The following LPP variants were observed in gnomAD, a reference collection of about 807,000 sequenced individuals.
The protein encoded by LPP is lipoma-preferred partner.
A neutral mutation model predicts 60.4 loss-of-function variants in LPP; 38 were observed. The ratio of observed to expected loss-of-function variants is 0.63; its 90% CI spans 0.49 to 0.83. LPP has a LOEUF of 0.83. Ranked by LOEUF, LPP falls within the 40% of genes least tolerant of loss-of-function variation. The pLI, the probability that LPP is intolerant of heterozygous loss-of-function variation, is 0.00. For missense variants in LPP, 902 were observed against 783.6 expected (o/e 1.15, Z -1.80); for synonymous variants, 328 against 290.8 (o/e 1.13, Z -1.30).
intron 7 of LPP, among the ~76,000 whole-genome samples, chr3:188,689,670 T>A (rs551635060): frequency 6.6e-6 from 1 of 152,336 alleles, no homozygotes; most frequent in East Asian, 1.9e-4. Context: ...ACTTCACAGT[T>A]CCTAATAGTC....
At chr3:188,846,474 A>G (rs1305913586) in intron 9 of LPP, among the ~76,000 whole-genome samples, 1 of 152,088 alleles carries the variant, frequency 6.6e-6, no homozygotes, top group African/African-American at 2.4e-5. Flanking sequence ...ACGTGAGGTC[A>G]GGGGTTCAAG....
intron 7 of LPP, among the ~76,000 whole-genome samples, chr3:188,695,382 G>T (rs1483006576): frequency 1.3e-5 from 2 of 152,090 alleles, no homozygotes; most frequent in African/African-American, 2.4e-5. Context: ...CTTCCCCTCG[G>T]CTGCAGTGCT....
intron 7 of LPP, among the ~76,000 whole-genome samples, chr3:188,634,516 A>G (rs1181531180): frequency 6.6e-6 from 1 of 152,228 alleles, no homozygotes; most frequent in Non-Finnish European, 1.5e-5. Flanking sequence ...GCAGGTGGTC[A>G]GTGGCGGGCA....
chr3:188,568,894 T>G (rs1405790685), intron 6 of LPP: 1 of 151,392 alleles, frequency 6.6e-6, no homozygotes, highest in African/African-American at 2.4e-5. Context: ...GCCTGAAGGG[T>G]GGAGAGGGGG....
intron 2 of LPP, among the ~76,000 whole-genome samples, chr3:188,282,785 G>C (rs1177404616): frequency 6.6e-6 from 1 of 152,142 alleles, no homozygotes; most frequent in African/African-American, 2.4e-5. Flanking sequence ...CACATTTGGT[G>C]TCAGTCTCTC....
Position 188,362,958 on chromosome 3 carries a change from T to G in LPP, c.-10+21239T>G, listed in dbSNP as rs1578340378. On this transcript the variant is annotated intron_variant, in intron 3 of 11. Transcript: ENST00000617246. ...CATTATTAATTCCAGATGGGAAAAT[T>G]CATTAGGGCTCAAATTTTGTTTGAG... Among the ~76,000 whole-genome samples the G allele has an allele frequency of 2.0e-5, 3 of 152,340 alleles. 1 individual carries two copies. Among genetic ancestry groups the G allele is most frequent in the African/African-American group, 7.2e-5 (3 of 41,588 alleles).
intron 5 of LPP, among the ~76,000 whole-genome samples, chr3:188,524,206 A>G (rs1168774252): frequency 6.6e-6 from 1 of 152,128 alleles, no homozygotes; most frequent in Non-Finnish European, 1.5e-5. Context: ...ACTTCCAAGC[A>G]CTGGCATGCT....
At chr3:188,666,438 A>G (rs1013611041) in intron 7 of LPP, among the ~76,000 whole-genome samples, 1 of 152,230 alleles carries the variant, frequency 6.6e-6, no homozygotes, top group Admixed American at 6.5e-5. Context: ...TAAAAGGTTC[A>G]TCAAGGCAGT....
chr3:188,535,286 C>T (rs922156316), intron 6 of LPP, among the ~76,000 whole-genome samples: 4 of 151,994 alleles, frequency 2.6e-5, no homozygotes, highest in African/African-American at 7.3e-5. Flanking sequence ...GGAAGTTTTA[C>T]GTAACAGAAT....
chr3:188,387,618 G>A (rs182374101), intron 3 of LPP, among the ~76,000 whole-genome samples: 112 of 149,902 alleles, frequency 7.5e-4, no homozygotes, highest in Non-Finnish European at 7.4e-4. Context: ...CCATGCTGGA[G>A]TGCAGTGGCA....
intron 8 of LPP, chr3:188,711,910 T>C (rs1040075648): frequency 6.6e-6 from 1 of 152,150 alleles, no homozygotes; most frequent in African/African-American, 2.4e-5. Context: ...ATTGTGCTAA[T>C]TGAGATTTGG....
intron 2 of LPP, among the ~76,000 whole-genome samples, chr3:188,278,193 T>C (rs1740669864): frequency 6.6e-6 from 1 of 152,230 alleles, no homozygotes; most frequent in Non-Finnish European, 1.5e-5. Flanking sequence ...GGATGAGGTA[T>C]GGATGGATTA....
chr3:188,250,794 C>CTTTCTCTTTCTTTCTTTCTTTCTT lies in LPP; in HGVS notation c.-67+25268_-67+25269insTTCTCTTTCTTTCTTTCTTTCTTT, dbSNP rs1553835809. On this transcript the variant is annotated intron_variant, in intron 2 of 11. Coordinates refer to ENST00000617246, the MANE Select transcript of LPP (RefSeq NM_001375462.1). ...TCTTTCTTTCTTTCTTTCTGTCTTT[C>CTTTCTCTTTCTTTCTTTCTTTCTT]TCTTTCTTTCTTTCTCTTTCTTTCT... Among the ~76,000 whole-genome samples the CTTTCTCTTTCTTTCTTTCTTTCTT allele has an allele frequency of 3.3e-3, 373 of 114,206 alleles. 5 individuals are homozygous for CTTTCTCTTTCTTTCTTTCTTTCTT. Among genetic ancestry groups the CTTTCTCTTTCTTTCTTTCTTTCTT allele is most frequent in the African/African-American group, 0.013 (354 of 26,480 alleles). 74.9% of individuals were successfully genotyped at this position (114,206 alleles called of 152,430 possible).
At chr3:188,256,449 T>C (rs973724685) in intron 2 of LPP, among the ~76,000 whole-genome samples, 1 of 152,204 alleles carries the variant, frequency 6.6e-6, no homozygotes, top group Non-Finnish European at 1.5e-5. Flanking sequence ...CTGGGTTGTT[T>C]GTGGAATGCA....
intron 4 of LPP, among the ~76,000 whole-genome samples, chr3:188,481,445 T>C (rs549408561): frequency 1.3e-5 from 2 of 152,314 alleles, no homozygotes; most frequent in East Asian, 3.9e-4. Context: ...GAATATAGAA[T>C]CCATCTTTTC....
intron 9 of LPP, among the ~76,000 whole-genome samples, chr3:188,807,344 G>A (rs1560231301): frequency 1.3e-5 from 2 of 151,844 alleles, no homozygotes; most frequent in Admixed American, 6.6e-5. Flanking sequence ...TAGTTTTAGT[G>A]TTTGTATATA....
At chr3:188,579,414 T>C (rs1835522461) in intron 6 of LPP, among the ~76,000 whole-genome samples, 3 of 152,216 alleles carry the variant, frequency 2.0e-5, no homozygotes, top group Admixed American at 2.0e-4. Context: ...AGGTATCATG[T>C]GAACAATAAG....
chr3:188,766,787 G>A (rs1312832705), intron 9 of LPP, among the ~76,000 whole-genome samples: 1 of 152,212 alleles, frequency 6.6e-6, no homozygotes, highest in Non-Finnish European at 1.5e-5. Context: ...AGAAAGGTAT[G>A]TAATTCTCTC....
At chr3:188,258,340 T>C (rs1264229815) in intron 2 of LPP, among the ~76,000 whole-genome samples, 1 of 152,214 alleles carries the variant, frequency 6.6e-6, no homozygotes, top group African/African-American at 2.4e-5. Context: ...TGTTTTGTTT[T>C]GAGACAGCGT....
Sources: allele counts gnomAD v4.1 joint callset (sites outside exome capture counted in the v4.1 genomes callset), GRCh38; gene constraint gnomAD v4.1.1; transcripts MANE v1.5; gene names NCBI Gene and HGNC (gene_info 2026-07-23, HGNC 2026-07-21).